Variants in SMTNL2 observed in about 807,000 individuals in gnomAD.
SMTNL2 encodes smoothelin like 2.
A neutral mutation model predicts 44.1 loss-of-function variants in SMTNL2; 43 were observed. That is an observed-to-expected ratio of 0.98 (90% CI 0.76 to 1.26). The LOEUF is 1.26. Among genes scored for constraint, SMTNL2 ranks in the 50% most tolerant of loss-of-function variants. The pLI, the probability that SMTNL2 is intolerant of heterozygous loss-of-function variation, is 0.00. For synonymous variants in SMTNL2, 317 were observed against 287.6 expected (o/e 1.10, Z -1.03); for missense variants, 646 against 670.2 (o/e 0.96, Z 0.40).
At position 4,597,189 on chromosome 17, in the gene SMTNL2, C is replaced by T; in HGVS notation, c.1125C>T (p.Asn375=). ...TGTTGCAGCACGTGGACCTGCAGAA[C>T]TTCTCCTCCAGCTGGAGCGACGGCA... ...TLGYQHVDLQ[N]FSSSWSDGMA... The change falls in exon 7 of 8, where the codon AAC becomes AAT. Residue 375 remains asparagine (N), a synonymous_variant. Transcript: ENST00000389313. The T allele has an allele frequency of 6.2e-7, 1 of 1,613,844 alleles. No homozygotes were observed. The highest frequency in any genetic ancestry group is 8.5e-7 in the Non-Finnish European group (1 of 1,179,910).
intron 1 of SMTNL2, among the ~76,000 whole-genome samples, chr17:4,591,798 A>G (rs930093963): frequency 2.0e-5 from 3 of 152,068 alleles, no homozygotes; most frequent in Non-Finnish European, 4.4e-5. Context: ...ACCCACTACT[A>G]CTGCCCAGCT....
In SMTNL2 at chr17:4,592,584, C is replaced by A; in HGVS notation, c.487+136C>A. ...TCCTGAACCCCAGCAGGGAGAGAGG[C>A]TGCCAGGAGAGCAGCGTCATTCAGT... On this transcript the variant is annotated intron_variant, in intron 2 of 7. Coordinates refer to ENST00000389313, the MANE Select transcript of SMTNL2 (RefSeq NM_001114974.2). This position sits in a 1 kb window ranked among gnomAD's most constrained non-coding sequence, Gnocchi z 4.5. The A allele has an allele frequency of 1.3e-6, 1 of 797,584 alleles. No individual in the cohort carries two copies. The highest frequency in any genetic ancestry group is 2.0e-6 in the Non-Finnish European group (1 of 512,624). 49.4% of individuals were successfully genotyped at this position (797,584 alleles called of 1,614,324 possible).
At chr17:4,590,111 C>A (rs1909512152) in intron 1 of SMTNL2, among the ~76,000 whole-genome samples, 1 of 151,830 alleles carries the variant, frequency 6.6e-6, no homozygotes, top group African/African-American at 2.4e-5. Flanking sequence ...GGATTACAGG[C>A]ACCCACCACC....
Position 4,584,886 on chromosome 17 carries a change from C to A in SMTNL2, c.281C>A (p.Pro94His). ...TTGGCCAGCGGGATGTCCCCGGTGC[C>A]CGGCACTCCCGGCACGCCCAGCCCC... ...LGLASGMSPV[P>H]GTPGTPSPPP... The change falls in exon 1 of 8, where the codon CCC becomes CAC. Residue 94 changes from proline (P) to histidine (H), a missense_variant. Coordinates refer to ENST00000389313, the MANE Select transcript of SMTNL2 (RefSeq NM_001114974.2). The A allele has an allele frequency of 7.7e-7, 1 of 1,297,650 alleles. No individual in the cohort carries two copies. Among genetic ancestry groups the A allele is most frequent in the East Asian group, 3.3e-5 (1 of 30,642 alleles). The allele number at this position is 1,297,650 out of a possible 1,614,324, so 80.4% of individuals were successfully genotyped here. A position where few individuals can be genotyped will look rare whatever the true frequency, so the allele number is the denominator to read the frequency against.
chr17:4,594,190 T>G (rs904786873), intron 4 of SMTNL2, among the ~76,000 whole-genome samples: 1 of 152,144 alleles, frequency 6.6e-6, no homozygotes, highest in East Asian at 1.9e-4. Context: ...GGCTCACACC[T>G]GTAATCCCAG....
chr17:4,607,555 A>C lies in SMTNL2; in HGVS notation c.*68A>C. ...GCCGGGGGTCCGCTTGCGATTCCCC[A>C]GCCAGGATGCCCCCAGGAGCCTTGC... On this transcript the variant is annotated 3_prime_UTR_variant, in exon 8 of 8. Coordinates refer to ENST00000389313, the MANE Select transcript of SMTNL2 (RefSeq NM_001114974.2). This position sits in a 1 kb window ranked among gnomAD's most constrained non-coding sequence, Gnocchi z 4.7. 6.3e-7 allele frequency: 1 copy of C among 1,583,466 alleles called. No homozygotes were observed. The highest frequency in any genetic ancestry group is 8.6e-7 in the Non-Finnish European group (1 of 1,160,806).
chr17:4,594,394 A>G (rs536276998), intron 4 of SMTNL2, among the ~76,000 whole-genome samples: 2 of 152,294 alleles, frequency 1.3e-5, no homozygotes, highest in East Asian at 3.9e-4. Flanking sequence ...GTTTGCAGTG[A>G]GCCAAGATGG....
Position 4,607,443 on chromosome 17 carries a change from A to G in SMTNL2, c.1342A>G (p.Thr448Ala), listed in dbSNP as rs1041141795. The change falls in exon 8 of 8, where the codon ACC (threonine) becomes GCC (alanine). Residue 448 changes from threonine to alanine, a missense_variant. Transcript: ENST00000389313. This position sits in a 1 kb window ranked among gnomAD's most constrained non-coding sequence, Gnocchi z 4.7. ...CAAGCCGGACCCCATGTGTGTCTTC[A>G]CCTACGTCCAGTCGCTGTACAACCA... is the stretch of plus-strand genomic sequence containing the variant. ...GRKPDPMCVF[T>A]YVQSLYNHLR... is the part of the protein sequence containing the mutation. The G allele has an allele frequency of 6.2e-7, 1 of 1,614,034 alleles. No individual in the cohort carries two copies. Among genetic ancestry groups the G allele is most frequent in the Non-Finnish European group, 8.5e-7 (1 of 1,180,042 alleles).
chr17:4,589,058 G>C (rs1909456132), intron 1 of SMTNL2, among the ~76,000 whole-genome samples: 2 of 152,078 alleles, frequency 1.3e-5, no homozygotes, highest in Non-Finnish European at 2.9e-5. Flanking sequence ...TCTGGGCTCA[G>C]CCCTACACCC....
At chr17:4,596,499 G>A (rs1909821303) in intron 5 of SMTNL2, among the ~76,000 whole-genome samples, 1 of 152,244 alleles carries the variant, frequency 6.6e-6, no homozygotes, top group Non-Finnish European at 1.5e-5. Context: ...AAGGAGCTGG[G>A]AAAGGTGTTC....
Position 4,584,801 on chromosome 17 carries a change from G to C in SMTNL2, c.196G>C (p.Asp66His). Reference protein sequence around the residue: ...LARTVADLQRDNQRLQAQLER... With the variant: ...LARTVADLQRHNQRLQAQLER... ...GCGCACGGTGGCCGACCTGCAGCGG[G>C]ACAACCAGCGGCTGCAGGCGCAGCT... The change falls in exon 1 of 8, where the codon GAC becomes CAC. Residue 66 changes from aspartate to histidine, a missense_variant. Physicochemically the swap from Asp to His is moderately conservative, Grantham distance 81. Coordinates refer to ENST00000389313, the MANE Select transcript of SMTNL2 (RefSeq NM_001114974.2). 1 of 1,324,682 alleles carries C rather than the reference G, an allele frequency of 7.5e-7. No individual in the cohort carries two copies. The highest frequency in any genetic ancestry group is 3.2e-5 in the East Asian group (1 of 30,958). 82.1% of individuals were successfully genotyped at this position (1,324,682 alleles called of 1,614,324 possible).
Position 4,600,301 on chromosome 17 carries a change from G to A in SMTNL2, c.1259+2978G>A, listed in dbSNP as rs1177365255. ...CCTCACCGATGTTCCTGAGGTTTGCGGCAAAGGCTGAGCAGATCCAGGGTC... is the reference window on the plus strand; with the variant it reads ...CCTCACCGATGTTCCTGAGGTTTGCAGCAAAGGCTGAGCAGATCCAGGGTC... On this transcript the variant is annotated intron_variant, in intron 7 of 7. Transcript: ENST00000389313. This position sits in a 1 kb window ranked among gnomAD's most constrained non-coding sequence, Gnocchi z 4.7. 2.0e-5 allele frequency among the ~76,000 whole-genome samples: 3 copies of A among 152,276 alleles called. No individual in the cohort carries two copies. The highest frequency in any genetic ancestry group is 1.9e-4 in the East Asian group (1 of 5,172).
In SMTNL2 at chr17:4,600,533, C is replaced by T. The variant is rs982349800; in HGVS notation, c.1259+3210C>T. ...CAAGGATCAAGGATGCACCAGGGAC[C>T]TTTGGAGTAAAAGTGGTGTGTGCTG... On this transcript the variant is annotated intron_variant, in intron 7 of 7. Transcript: ENST00000389313. This position sits in a 1 kb window ranked among gnomAD's most constrained non-coding sequence, Gnocchi z 4.7. 6.6e-6 allele frequency among the ~76,000 whole-genome samples: 1 copy of T among 152,124 alleles called. No individual in the cohort carries two copies. The highest frequency in any genetic ancestry group is 6.5e-5 in the Admixed American group (1 of 15,274).
At chr17:4,601,589 T>A (rs1392060898) in intron 7 of SMTNL2, among the ~76,000 whole-genome samples, 1 of 152,118 alleles carries the variant, frequency 6.6e-6, no homozygotes, top group Non-Finnish European at 1.5e-5. Flanking sequence ...AGTGGTGCAA[T>A]CACAGCTCAC....
chr17:4,593,034 C>A lies in SMTNL2; in HGVS notation c.593C>A (p.Thr198Lys). The A allele has an allele frequency of 6.2e-7, 1 of 1,614,052 alleles. No individual in the cohort carries two copies. The highest frequency in any genetic ancestry group is 8.5e-7 in the Non-Finnish European group (1 of 1,179,982). The change falls in exon 3 of 8, where the codon ACG becomes AAG. Residue 198 changes from threonine to lysine, a missense_variant. Physicochemically the swap from Thr to Lys is moderately conservative, Grantham distance 78. Coordinates refer to ENST00000389313, the MANE Select transcript of SMTNL2 (RefSeq NM_001114974.2). ...TTGCGGCTGCCCCACCAGCCAGTCA[C>A]GGCCATCACCCGAGTCTCTGACAGG... ...LSLRLPHQPV[T>K]AITRVSDRFS...
intron 1 of SMTNL2, among the ~76,000 whole-genome samples, chr17:4,589,938 CTTTTTTTTTTTTTTTTTTTTTTTTTTT>C (rs780984262): frequency 1.2e-3 from 70 of 59,862 alleles, no homozygotes; most frequent in East Asian, 1.7e-3. Context: ...ACGCACCTGG[CTTTTTTTTTTTTTTTTTTTTTTTTTTT>C]TTTTTTTTTT....
At chr17:4,589,394 C>T (rs997723919) in intron 1 of SMTNL2, among the ~76,000 whole-genome samples, 3 of 152,090 alleles carry the variant, frequency 2.0e-5, no homozygotes, top group Non-Finnish European at 4.4e-5. Context: ...CTGTGGGGGC[C>T]GGGGTTCCAG....
At chr17:4,587,537 G>C (rs1439806846) in intron 1 of SMTNL2, among the ~76,000 whole-genome samples, 1 of 152,178 alleles carries the variant, frequency 6.6e-6, no homozygotes, top group Non-Finnish European at 1.5e-5. Flanking sequence ...CATGGACATA[G>C]AGTCACAGCC....
intron 1 of SMTNL2, among the ~76,000 whole-genome samples, chr17:4,588,348 T>C (rs1909427131): frequency 6.6e-6 from 1 of 152,226 alleles, no homozygotes; most frequent in African/African-American, 2.4e-5. Flanking sequence ...CCTTCCGCCT[T>C]TCCCGTGAGT....
Sources: gnomAD v4.1 joint callset for allele counts (sites outside exome capture counted in the v4.1 genomes callset) on GRCh38, gnomAD v4.1.1 for gene constraint, Gnocchi (gnomAD v3.1) non-coding constraint, MANE v1.5 for transcripts, NCBI Gene and HGNC (gene_info 2026-07-23, HGNC 2026-07-21) for gene names.